KMT2E: variants seen among roughly 807,000 people sequenced by gnomAD.
KMT2E encodes the protein lysine methyltransferase 2E (inactive).
A neutral mutation model predicts 184.6 loss-of-function variants in KMT2E; 30 were observed. The observed-to-expected ratio is 0.16, with a 90% CI of 0.12 to 0.22. KMT2E has a LOEUF of 0.22. Ranked by LOEUF, KMT2E falls within the 10% of genes least tolerant of loss-of-function variation. The probability of loss-of-function intolerance (pLI) is 1.00; values close to 1 mark genes in which losing one functional copy is unlikely to be tolerated. For missense variants in KMT2E, 2,023 were observed against 2,237.4 expected, an observed-to-expected ratio of 0.90 and a Z score of 1.93; for synonymous variants, 815 against 776.5, an observed-to-expected ratio of 1.05 and a Z score of -0.82.
At chr7:105,025,122 T>TA (rs1311422759) in intron 1 of KMT2E, among the ~76,000 whole-genome samples, 5 of 152,102 alleles carry the variant, frequency 3.3e-5, no homozygotes, top group Admixed American at 3.3e-4. Flanking sequence ...AAAAGTAACA[T>TA]ATGTTTATTA....
intron 1 of KMT2E, among the ~76,000 whole-genome samples, chr7:105,020,651 A>T (rs1348156549): frequency 6.6e-6 from 1 of 152,136 alleles, no homozygotes; most frequent in Non-Finnish European, 1.5e-5. Context: ...AAATGTTTAA[A>T]TTTTTTCATT....
chr7:105,045,303 A>G (rs1467280807), intron 3 of KMT2E, among the ~76,000 whole-genome samples: 3 of 152,248 alleles, frequency 2.0e-5, no homozygotes, highest in Admixed American at 6.5e-5. Context: ...AAGTTGTGGT[A>G]AAATAGATAC....
At chr7:105,060,693 C>G (rs779336397) in intron 3 of KMT2E, among the ~76,000 whole-genome samples, 4 of 152,120 alleles carry the variant, frequency 2.6e-5, no homozygotes, top group Non-Finnish European at 4.4e-5. Flanking sequence ...GTCTCAGACT[C>G]CCAAAGTGTT....
At chr7:105,027,074 CTTTTTTTTTTT>C (rs34930855) in intron 1 of KMT2E, among the ~76,000 whole-genome samples, 1 of 81,940 alleles carries the variant, frequency 1.2e-5, no homozygotes, top group Non-Finnish European at 2.3e-5. Context: ...GCCCCGCCCT[CTTTTTTTTTTT>C]TTTTTTTTTT....
intron 1 of KMT2E, among the ~76,000 whole-genome samples, chr7:105,028,666 T>C (rs960496606): frequency 3.3e-5 from 5 of 151,930 alleles, no homozygotes; most frequent in Admixed American, 6.6e-5. Context: ...ACCTGGCTAA[T>C]TTTCATTTTT....
At chr7:105,016,271 T>C (rs1562869927) in intron 1 of KMT2E, among the ~76,000 whole-genome samples, 2 of 152,246 alleles carry the variant, frequency 1.3e-5, no homozygotes, top group African/African-American at 4.8e-5. Flanking sequence ...ATTTTTCCCA[T>C]GTATTTAAGC....
chr7:105,056,958 AAG>A (rs1200719442), intron 3 of KMT2E, among the ~76,000 whole-genome samples: 1 of 152,226 alleles, frequency 6.6e-6, no homozygotes, highest in East Asian at 1.9e-4. Flanking sequence ...CTCGTTATAA[AAG>A]AGTTTGGAAG....
intron 3 of KMT2E, among the ~76,000 whole-genome samples, chr7:105,050,606 C>T (rs1381346699): frequency 6.6e-6 from 1 of 151,684 alleles, no homozygotes. Flanking sequence ...TTTTTAGGCT[C>T]ATCTATTTTT....
In KMT2E at chr7:105,091,324, G is replaced by A. The variant is rs761118022; in HGVS notation, c.1722+10G>A. The A allele has an allele frequency of 6.6e-7, 1 of 1,521,294 alleles. No individual in the cohort carries two copies. Among genetic ancestry groups the A allele is most frequent in the Non-Finnish European group, 9.1e-7 (1 of 1,095,824 alleles). 94.2% of individuals were successfully genotyped at this position (1,521,294 alleles called of 1,614,324 possible). A position where few individuals can be genotyped will look rare whatever the true frequency, so the allele number is the denominator to read the frequency against. ...AAGGAAAAGGAAGATGGTAAGTTGG[G>A]AAGCCAGTAGTTTGGGCTTAGTGAC... is the stretch of plus-strand genomic sequence containing the variant. On this transcript the variant is annotated intron_variant, in intron 15 of 26. Coordinates refer to ENST00000311117, the MANE Select transcript of KMT2E (RefSeq NM_182931.3).
chr7:105,022,257 C>T (rs767497426), intron 1 of KMT2E, among the ~76,000 whole-genome samples: 2 of 152,020 alleles, frequency 1.3e-5, no homozygotes, highest in East Asian at 1.9e-4. Context: ...TACCATTAGC[C>T]GATCCAAGAT....
rs547992215 is a variant in KMT2E at position 105,059,532 on chromosome 7, T to G, written c.72-2632T>G. On this transcript the variant is annotated intron_variant, in intron 3 of 26. Transcript: ENST00000311117. ...AATACTACCATTTATGCAGAAAAGA[T>G]AAATGGATGTACATTTGCAGTAGTA... 2.6e-5 allele frequency among the ~76,000 whole-genome samples: 4 copies of G among 152,332 alleles called. No individual in the cohort carries two copies. In the East Asian group the frequency reaches 7.7e-4, roughly 29 times the overall value.
chr7:105,074,685 T>C lies in KMT2E; in HGVS notation c.599T>C (p.Val200Ala), dbSNP rs1270152687. 1 of 1,585,760 alleles carries C rather than the reference T, an allele frequency of 6.3e-7. No homozygotes were observed. The highest frequency in any genetic ancestry group is 8.6e-7 in the Non-Finnish European group (1 of 1,166,474). Residue 200 changes from valine to alanine, a missense_variant, in exon 8 of 27, where the codon GTG (valine) becomes GCG (alanine). Val to Ala is a moderately conservative substitution (Grantham distance 64, BLOSUM62 0). Transcript: ENST00000311117. ...ACTGAGAGTGGTGATGAGGTTCCTG[T>C]GGAATTATATACTGCATTTCAGCAT... ...SATESGDEVP[V>A]ELYTAFQHTP... is the part of the protein sequence containing the mutation.
At chr7:105,027,990 C>T (rs1289816195) in intron 1 of KMT2E, among the ~76,000 whole-genome samples, 1 of 151,908 alleles carries the variant, frequency 6.6e-6, no homozygotes, top group Non-Finnish European at 1.5e-5. Context: ...GCTTAGTGGC[C>T]AACAGTATTC....
chr7:105,105,553 C>T lies in KMT2E; in HGVS notation c.2311C>T (p.Leu771Phe). The T allele has an allele frequency of 6.2e-7, 1 of 1,614,086 alleles. No homozygotes were observed. Among genetic ancestry groups the T allele is most frequent in the South Asian group, 1.1e-5 (1 of 91,078 alleles). The change falls in exon 18 of 27, where the codon CTC (leucine) becomes TTC (phenylalanine). Residue 771 changes from leucine (L) to phenylalanine (F), a missense_variant. Leu to Phe is a conservative substitution (Grantham distance 22). Coordinates refer to ENST00000311117, the MANE Select transcript of KMT2E (RefSeq NM_182931.3). The stretch of plus-strand genomic sequence containing the variant: ...AGATCCTGAAGTGTTAGCTACACAA[C>T]TCAATTCTTTACCAGGTCTCACTTA... ...TTDPEVLATQ[L>F]NSLPGLTYSP...
chr7:105,100,508 G>C (rs1562927257), intron 15 of KMT2E, among the ~76,000 whole-genome samples: 2 of 152,120 alleles, frequency 1.3e-5, no homozygotes, highest in African/African-American at 4.8e-5. Flanking sequence ...GACAGTTGAT[G>C]GATGTGGTTC....
At chr7:105,097,098 C>A (rs1798441020) in intron 15 of KMT2E, among the ~76,000 whole-genome samples, 1 of 152,202 alleles carries the variant, frequency 6.6e-6, no homozygotes, top group African/African-American at 2.4e-5. Flanking sequence ...GAAAACACTG[C>A]AGAATCCATG....
rs1024214110 is a variant in KMT2E at position 105,051,161 on chromosome 7, C to CTTCCTTCCTTCCTTCCTTTT, written c.71+10161_71+10180dup. Among the ~76,000 whole-genome samples, 4 of 143,588 alleles carry CTTCCTTCCTTCCTTCCTTTT rather than the reference C, an allele frequency of 2.8e-5. No homozygotes were observed. The East Asian group carries it at 6.0e-4, about 22-fold the overall frequency. The allele number at this position is 143,588 out of a possible 152,430, so 94.2% of individuals were successfully genotyped here. A position where few individuals can be genotyped will look rare whatever the true frequency, so the allele number is the denominator to read the frequency against. On this transcript the variant is annotated intron_variant, in intron 3 of 26. Transcript: ENST00000311117. ...CCTCCCTCCCTTCCTTCCTCCCTTT[C>CTTCCTTCCTTCCTTCCTTTT]TTCCTTCCTTCCTTCCTTTTTTCCT... is the stretch of plus-strand genomic sequence containing the variant.
At chr7:105,018,473 T>A (rs976520190) in intron 1 of KMT2E, among the ~76,000 whole-genome samples, 1 of 152,222 alleles carries the variant, frequency 6.6e-6, no homozygotes, top group Non-Finnish European at 1.5e-5. Flanking sequence ...GCAAACACAT[T>A]TACATCTCAA....
chr7:105,053,292 A>G (rs939819661), intron 3 of KMT2E, among the ~76,000 whole-genome samples: 1 of 152,164 alleles, frequency 6.6e-6, no homozygotes, highest in African/African-American at 2.4e-5. Flanking sequence ...TGACCATGAT[A>G]TAATAAATTG....
Sources: gnomAD v4.1 joint callset for allele counts (sites outside exome capture counted in the v4.1 genomes callset) on GRCh38, gnomAD v4.1.1 for gene constraint, MANE v1.5 for transcripts, NCBI Gene and HGNC (gene_info 2026-07-23, HGNC 2026-07-21) for gene names.